HIP1: variants seen among roughly 807,000 people sequenced by gnomAD.
HIP1 encodes huntingtin interacting protein 1.
Under a neutral mutation model 147.6 loss-of-function variants are expected in HIP1, and 65 were observed. That is an observed-to-expected ratio of 0.44 (90% CI 0.36 to 0.54). The LOEUF is 0.54. HIP1 is among the 20% of genes least tolerant of loss of function. The pLI, the probability that HIP1 is intolerant of heterozygous loss-of-function variation, is 0.00. For synonymous variants in HIP1, 479 were observed against 504.0 expected (o/e 0.95, Z 0.67); for missense variants, 1,061 against 1,299.6 (o/e 0.82, Z 2.82).
intron 1 of HIP1, among the ~76,000 whole-genome samples, chr7:75,633,418 G>A (rs587668943): frequency 4.5e-4 from 69 of 152,030 alleles, no homozygotes; most frequent in Non-Finnish European, 6.2e-4. Context: ...TCAGCCTCCC[G>A]AGCAGCTGGG....
At chr7:75,723,082 C>T (rs751909320) in intron 1 of HIP1, among the ~76,000 whole-genome samples, 1 of 152,130 alleles carries the variant, frequency 6.6e-6, no homozygotes, top group South Asian at 2.1e-4. Flanking sequence ...ACTGTTGTAA[C>T]AAATTACTGC....
In HIP1 at chr7:75,726,004, CGTTT is replaced by C. The variant is rs376990778; in HGVS notation, c.120+12793_120+12796del. ...CCCAGTTTTTGTTTGTTTGTTTGTTCGTTTGTTTGTTTGTAGTTTAGCTGAGACG... is the reference window on the plus strand; with the variant it reads ...CCCAGTTTTTGTTTGTTTGTTTGTTCGTTTGTTTGTAGTTTAGCTGAGACG... On this transcript the variant is annotated intron_variant, in intron 1 of 30. Coordinates refer to ENST00000336926, the MANE Select transcript of HIP1 (RefSeq NM_005338.7). Among the ~76,000 whole-genome samples the C allele has an allele frequency of 9.9e-4, 150 of 151,406 alleles. 1 individual carries two copies. The South Asian group carries it at 0.02, about 20-fold the overall frequency.
chr7:75,609,412 G>T (rs189455545), intron 1 of HIP1, among the ~76,000 whole-genome samples: 1 of 152,076 alleles, frequency 6.6e-6, no homozygotes, highest in Non-Finnish European at 1.5e-5. Flanking sequence ...AGTTCCCTGC[G>T]AGGACCAGTT....
rs548240382 is a variant in HIP1, at chr7:75,662,327, A to G, written c.121-63080T>C. Reference sequence around the variant, plus strand: ...GCCTCCCGAGTAGCTGGGAGTACAGACCTGCACCACCACGCCCAGCTATTT... The same window carrying G: ...GCCTCCCGAGTAGCTGGGAGTACAGGCCTGCACCACCACGCCCAGCTATTT... On this transcript the variant is annotated intron_variant, in intron 1 of 30. Transcript: ENST00000336926. Among the ~76,000 whole-genome samples the G allele has an allele frequency of 6.7e-4, 101 of 151,818 alleles. 1 individual carries two copies. The highest frequency in any genetic ancestry group is 2.4e-3 in the African/African-American group (99 of 41,380).
chr7:75,664,015 TACAC>T (rs1368327740), intron 1 of HIP1, among the ~76,000 whole-genome samples: 1 of 23,954 alleles, frequency 4.2e-5, no homozygotes, highest in East Asian at 9.2e-4. Context: ...TGTATATATA[TACAC>T]ATATATGTGT....
rs55679922 is a variant in HIP1, at chr7:75,551,189, A to ATTTTTTTTTTTTTTTTTTTT, written c.2296-2208_2296-2189dup. On this transcript the variant is annotated intron_variant, in intron 22 of 30. Coordinates refer to ENST00000336926, the MANE Select transcript of HIP1 (RefSeq NM_005338.7). Reference sequence around the variant, plus strand: ...TAGGGAGGCAAAGATGTAGATGATAATTTTTTTTTTTTTTTTTTTTTTTTT... The same window carrying ATTTTTTTTTTTTTTTTTTTT: ...TAGGGAGGCAAAGATGTAGATGATAATTTTTTTTTTTTTTTTTTTTTTTTTTTTTTTTTTTTTTTTTTTTT... Among the ~76,000 whole-genome samples, 59 of 77,416 alleles carry ATTTTTTTTTTTTTTTTTTTT rather than the reference A, an allele frequency of 7.6e-4. 16 individuals are homozygous for ATTTTTTTTTTTTTTTTTTTT. Among genetic ancestry groups the ATTTTTTTTTTTTTTTTTTTT allele is most frequent in the African/African-American group, 2.7e-3 (40 of 14,718 alleles). 50.8% of individuals were successfully genotyped at this position (77,416 alleles called of 152,430 possible).
chr7:75,574,675 A>G (rs1795775592), intron 7 of HIP1, among the ~76,000 whole-genome samples: 1 of 151,768 alleles, frequency 6.6e-6, no homozygotes, highest in East Asian at 1.9e-4. Context: ...GGGGCCAATG[A>G]TGGTTAGACC....
intron 1 of HIP1, among the ~76,000 whole-genome samples, chr7:75,688,590 C>T (rs1239776768): frequency 6.6e-6 from 1 of 152,108 alleles, no homozygotes; most frequent in Non-Finnish European, 1.5e-5. Context: ...CACGCACACC[C>T]TCCACCCGCC....
chr7:75,571,172 C>A (rs978183755), intron 8 of HIP1, among the ~76,000 whole-genome samples: 4 of 152,014 alleles, frequency 2.6e-5, no homozygotes, highest in African/African-American at 9.7e-5. Context: ...CTTCTCATAA[C>A]TCCCTCAGCC....
chr7:75,540,604 C>T (rs1013716069), intron 29 of HIP1, among the ~76,000 whole-genome samples: 3 of 151,728 alleles, frequency 2.0e-5, no homozygotes, highest in Admixed American at 6.6e-5. Flanking sequence ...GAGCAAGGCC[C>T]TGACTCAAAA....
intron 16 of HIP1, 111 bp from the exon 17 acceptor site, chr7:75,556,922 T>C: frequency 1.5e-6 from 1 of 675,358 alleles, no homozygotes; most frequent in Non-Finnish European, 2.6e-6. Flanking sequence ...CTCTACTGTA[T>C]GTAAGTTACA....
chr7:75,561,390 A>C lies in HIP1; in HGVS notation c.1130T>G (p.Ile377Ser). The C allele has an allele frequency of 6.2e-7, 1 of 1,611,866 alleles. No homozygotes were observed. Among genetic ancestry groups the C allele is most frequent in the Non-Finnish European group, 8.5e-7 (1 of 1,177,876 alleles). Reference protein sequence around the residue: ...GVNKDEKDHLIERLYREISGL... With the variant: ...GVNKDEKDHLSERLYREISGL... ...ACTGATCTCTCTGTATAGTCGCTCA[A>C]TTAAGTGGTCCCTGGGAAGAGAAGG... The change falls in exon 13 of 31, where the codon ATT becomes AGT. Residue 377 changes from isoleucine (I) to serine (S), a missense_variant. By Grantham distance (142) the Ile-to-Ser change is moderately radical (BLOSUM62 -2). This residue lies in a region of HIP1 where 810 missense variants were observed against 946.8 expected (regional missense o/e 0.86). Transcript: ENST00000336926.
At chr7:75,715,514 G>A (rs1801290225) in intron 1 of HIP1, among the ~76,000 whole-genome samples, 1 of 151,290 alleles carries the variant, frequency 6.6e-6, no homozygotes, top group Non-Finnish European at 1.5e-5. Flanking sequence ...GCTCACACCT[G>A]TAATCCCAGC....
intron 1 of HIP1, among the ~76,000 whole-genome samples, chr7:75,681,497 CTTTTTT>C (rs10546838): frequency 0.082 from 10,232 of 124,444 alleles, 734 homozygotes; most frequent in Admixed American, 0.21. Context: ...ACAGCACCTG[CTTTTTT>C]TTTTTTTTTT....
At chr7:75,567,024 A>C (rs1795431919) in intron 9 of HIP1, among the ~76,000 whole-genome samples, 1 of 151,250 alleles carries the variant, frequency 6.6e-6, no homozygotes, top group African/African-American at 2.5e-5. Context: ...AGGCAGGAGA[A>C]TCACTGGAGA....
chr7:75,632,253 AT>A lies in HIP1; in HGVS notation c.121-33007del, dbSNP rs1798251656. On this transcript the variant is annotated intron_variant, in intron 1 of 30. Coordinates refer to ENST00000336926, the MANE Select transcript of HIP1 (RefSeq NM_005338.7). ...CATCCTCAGCCCTGGATCCTTTCAT[AT>A]CTTAACGTCCTCACCCAGGGGCCTA... is the stretch of plus-strand genomic sequence containing the variant. Among the ~76,000 whole-genome samples, 11 of 152,206 alleles carry A rather than the reference AT, an allele frequency of 7.2e-5. No individual in the cohort carries two copies. In the South Asian group the frequency reaches 2.3e-3, roughly 32 times the overall value.
At chr7:75,548,744 A>G (rs782137645) in intron 23 of HIP1, 147 bp downstream of exon 23, 27 of 691,616 alleles carry the variant, frequency 3.9e-5, no homozygotes, top group Non-Finnish European at 6.3e-5. Flanking sequence ...GGTTACAGGC[A>G]TGAGCCACTG....
At chr7:75,569,561 A>G (rs587594526) in intron 8 of HIP1, among the ~76,000 whole-genome samples, 10 of 152,264 alleles carry the variant, frequency 6.6e-5, no homozygotes, top group African/African-American at 2.2e-4. Context: ...GTGAGCTACA[A>G]TCGCACCACT....
chr7:75,723,474 C>T (rs892005841), intron 1 of HIP1, among the ~76,000 whole-genome samples: 2 of 152,142 alleles, frequency 1.3e-5, no homozygotes, highest in Non-Finnish European at 2.9e-5. Flanking sequence ...ATCAACAGCC[C>T]TGTCTTCTGT....
Sources: allele counts gnomAD v4.1 joint callset (sites outside exome capture counted in the v4.1 genomes callset), GRCh38; gene constraint gnomAD v4.1.1; regional missense constraint gnomAD v4.1.1; transcripts MANE v1.5; gene names NCBI Gene and HGNC (gene_info 2026-07-23, HGNC 2026-07-21).